IGSF21: variants seen among roughly 807,000 people sequenced by gnomAD.
The protein encoded by IGSF21 is immunoglobulin superfamily member 21.
IGSF21 carries 28 observed loss-of-function variants against 46.8 expected under a neutral mutation model. The ratio of observed to expected loss-of-function variants is 0.60; its 90% CI spans 0.44 to 0.82. The LOEUF is 0.82. IGSF21 is among the 40% of genes least tolerant of loss of function. The probability of loss-of-function intolerance (pLI) is 0.00; values close to 1 mark genes in which losing one functional copy is unlikely to be tolerated. For synonymous variants in IGSF21, 284 were observed against 273.6 expected, an observed-to-expected ratio of 1.04 and a Z score of -0.38; for missense variants, 624 against 665.5, an observed-to-expected ratio of 0.94 and a Z score of 0.69.
chr1:18,175,034 C>T (rs1048938887), intron 1 of IGSF21, among the ~76,000 whole-genome samples: 5 of 152,162 alleles, frequency 3.3e-5, no homozygotes, highest in African/African-American at 1.2e-4. Context: ...TGCCTGAAGT[C>T]GAGCACTTAG....
intron 1 of IGSF21, among the ~76,000 whole-genome samples, chr1:18,135,139 C>T (rs1288508426): frequency 6.6e-6 from 1 of 152,164 alleles, no homozygotes; most frequent in Admixed American, 6.5e-5. Flanking sequence ...CTGGGTGTTT[C>T]CTGGGGCAGG....
At chr1:18,284,958 C>T (rs187179937) in intron 2 of IGSF21, among the ~76,000 whole-genome samples, 5 of 151,906 alleles carry the variant, frequency 3.3e-5, no homozygotes, top group Non-Finnish European at 5.9e-5. Context: ...AGAGCAAATT[C>T]CTTCCTGGCT....
In IGSF21 at chr1:18,115,849, GAAAGAAAGAAAGA is replaced by G. The variant is rs1557543430; in HGVS notation, c.70+7654_70+7666del. On this transcript the variant is annotated intron_variant, in intron 1 of 9. Coordinates refer to ENST00000251296, the MANE Select transcript of IGSF21 (RefSeq NM_032880.5). ...AGGAAGGAAGGAAGGAAGGAAGAAAGAAAGAAAGAAAGAAAGAAAGAAAGAAAGAAAGAAAGAA... is the reference window on the plus strand; with the variant it reads ...AGGAAGGAAGGAAGGAAGGAAGAAAGAAGAAAGAAAGAAAGAAAGAAAGAA... The G allele has an allele frequency of 6.7e-4, 54 of 80,130 alleles. 1 individual carries two copies. The highest frequency in any genetic ancestry group is 1.3e-3 in the African/African-American group (27 of 21,256). 5.0% of individuals were successfully genotyped at this position (80,130 alleles called of 1,614,324 possible). A position where few individuals can be genotyped will look rare whatever the true frequency, so the allele number is the denominator to read the frequency against.
At chr1:18,376,763 C>T (rs1177085745) in intron 7 of IGSF21, 37 bp from the exon 8 acceptor site, 4 of 1,546,628 alleles carry the variant, frequency 2.6e-6, no homozygotes, top group Non-Finnish European at 3.5e-6. Flanking sequence ...AGAATGGGCC[C>T]TCCTGTGACC....
At chr1:18,235,294 C>T (rs2084662613) in intron 2 of IGSF21, among the ~76,000 whole-genome samples, 1 of 152,190 alleles carries the variant, frequency 6.6e-6, no homozygotes, top group Non-Finnish European at 1.5e-5. Context: ...ATTTATGAAA[C>T]CAGGATGGTT....
rs1307953694 is a variant in IGSF21 at position 18,108,152 on chromosome 1, C to T, written c.24C>T (p.Arg8=). The change falls in exon 1 of 10, where the codon CGC becomes CGT. Residue 8 remains arginine, a synonymous_variant. Transcript: ENST00000251296. MRTAPSL[R]RCVCLLLAAI... Reference sequence around the variant, plus strand: ...CCATGCGAACCGCCCCGAGCCTCCGCCGCTGCGTCTGCCTGCTGCTCGCCG... The same window carrying T: ...CCATGCGAACCGCCCCGAGCCTCCGTCGCTGCGTCTGCCTGCTGCTCGCCG... The T allele has an allele frequency of 1.0e-5, 15 of 1,444,760 alleles. No homozygotes were observed. Among genetic ancestry groups the T allele is most frequent in the African/African-American group, 1.5e-5 (1 of 67,510 alleles). 89.5% of individuals were successfully genotyped at this position (1,444,760 alleles called of 1,614,324 possible).
chr1:18,115,817 G>T (rs1176970106), intron 1 of IGSF21: 1 of 143,168 alleles, frequency 7.0e-6, no homozygotes, highest in Non-Finnish European at 1.5e-5. Context: ...GAGGGAGGAA[G>T]ACAGGAAGGA....
At chr1:18,268,389 TAGG>T (rs1159668865) in intron 2 of IGSF21, among the ~76,000 whole-genome samples, 1 of 152,230 alleles carries the variant, frequency 6.6e-6, no homozygotes, top group Non-Finnish European at 1.5e-5. Flanking sequence ...CACCATCAGC[TAGG>T]AGATTTTCTC....
At chr1:18,354,437 G>C (rs1344113808) in intron 4 of IGSF21, among the ~76,000 whole-genome samples, 1 of 152,156 alleles carries the variant, frequency 6.6e-6, no homozygotes, top group South Asian at 2.1e-4. Context: ...ATTAAAGTAG[G>C]GAATATGGAG....
intron 1 of IGSF21, among the ~76,000 whole-genome samples, chr1:18,173,956 G>T (rs560336059): frequency 1.3e-4 from 20 of 152,168 alleles, no homozygotes; most frequent in Non-Finnish European, 2.4e-4. Context: ...GTTTCACCAC[G>T]TTGGCCAGGC....
In IGSF21 at chr1:18,275,672, G is replaced by C. The variant is rs115042263; in HGVS notation, c.184-16194G>C. On this transcript the variant is annotated intron_variant, in intron 2 of 9. Coordinates refer to ENST00000251296, the MANE Select transcript of IGSF21 (RefSeq NM_032880.5). ...TGGAAACCTTCCATGCTAGGTGTCC[G>C]CTCAACCCCAACCCCTTAGATTCCT... Among the ~76,000 whole-genome samples, 759 of 152,258 alleles carry C rather than the reference G, an allele frequency of 5.0e-3. 4 individuals are homozygous for C. The highest frequency in any genetic ancestry group is 0.016 in the African/African-American group (665 of 41,530).
intron 4 of IGSF21, among the ~76,000 whole-genome samples, chr1:18,339,176 C>T (rs1329527728): frequency 1.3e-5 from 2 of 152,190 alleles, no homozygotes; most frequent in Non-Finnish European, 2.9e-5. Flanking sequence ...CCCCATTTTA[C>T]GGATGACGGA....
At chr1:18,346,573 G>A (rs898595101) in intron 4 of IGSF21, among the ~76,000 whole-genome samples, 1 of 152,094 alleles carries the variant, frequency 6.6e-6, no homozygotes, top group Non-Finnish European at 1.5e-5. Context: ...GGAAAGATGG[G>A]AACAGATGTG....
intron 1 of IGSF21, among the ~76,000 whole-genome samples, chr1:18,161,776 A>G (rs1240897407): frequency 6.6e-6 from 1 of 152,128 alleles, no homozygotes; most frequent in Non-Finnish European, 1.5e-5. Context: ...AATATTTATG[A>G]AGCATTTACT....
chr1:18,128,822 G>T (rs1191269992), intron 1 of IGSF21, among the ~76,000 whole-genome samples: 1 of 151,866 alleles, frequency 6.6e-6, no homozygotes, highest in African/African-American at 2.4e-5. Flanking sequence ...GTATGTCTCT[G>T]TGTCACATGG....
rs574608093 is a variant in IGSF21, at chr1:18,108,220, G to A, written c.70+22G>A. ...CGCGGTGAGTGCGCGGGCGCCTGGCGGGAGCCGAGCGGTGAACGTGCGCGG... is the reference window on the plus strand; with the variant it reads ...CGCGGTGAGTGCGCGGGCGCCTGGCAGGAGCCGAGCGGTGAACGTGCGCGG... On this transcript the variant is annotated intron_variant, in intron 1 of 9. Coordinates refer to ENST00000251296, the MANE Select transcript of IGSF21 (RefSeq NM_032880.5). 132 of 1,358,418 alleles carry A rather than the reference G, an allele frequency of 9.7e-5. 1 individual carries two copies. The South Asian group carries it at 2.2e-3, about 22-fold the overall frequency. The allele number at this position is 1,358,418 out of a possible 1,614,324, so 84.1% of individuals were successfully genotyped here. A position where few individuals can be genotyped will look rare whatever the true frequency, so the allele number is the denominator to read the frequency against.
chr1:18,281,120 C>T (rs183383333), intron 2 of IGSF21, among the ~76,000 whole-genome samples: 45 of 110,784 alleles, frequency 4.1e-4, no homozygotes, highest in Admixed American at 2.7e-3. Flanking sequence ...AAGAAATGAA[C>T]GAATGAATGA....
chr1:18,196,728 G>T (rs539499678), intron 1 of IGSF21, among the ~76,000 whole-genome samples: 1 of 152,222 alleles, frequency 6.6e-6, no homozygotes. Flanking sequence ...AAGCAGGGAA[G>T]TGACTTGCCC....
intron 2 of IGSF21, among the ~76,000 whole-genome samples, chr1:18,283,122 C>T (rs890993202): frequency 1.2e-4 from 18 of 152,206 alleles, no homozygotes; most frequent in Non-Finnish European, 2.6e-4. Context: ...AAGCTGCAGC[C>T]GCTCTCCTCC....
Sources: allele counts gnomAD v4.1 joint callset (sites outside exome capture counted in the v4.1 genomes callset), GRCh38; gene constraint gnomAD v4.1.1; transcripts MANE v1.5; gene names NCBI Gene and HGNC (gene_info 2026-07-23, HGNC 2026-07-21).